The following ADAT3 variants were observed in gnomAD, a reference collection of about 807,000 sequenced individuals.
ADAT3 encodes the protein tRNA-specific adenosine-34 deaminase regulatory subunit ADAT3.
A neutral mutation model predicts 3.5 loss-of-function variants in ADAT3; 2 were observed. The observed-to-expected ratio is 0.57, with a 90% CI of 0.23 to 1.79. ADAT3 has a LOEUF of 1.79. Ranked by LOEUF, ADAT3 falls within the 40% of genes most tolerant of loss-of-function variation. The pLI, the probability that ADAT3 is intolerant of heterozygous loss-of-function variation, is 0.18. For synonymous variants in ADAT3, 358 were observed against 270.3 expected, an observed-to-expected ratio of 1.32 and a Z score of -3.18; for missense variants, 735 against 571.4, an observed-to-expected ratio of 1.29 and a Z score of -2.92.
At position 1,908,195 on chromosome 19, in the gene ADAT3, C is replaced by T. The variant is rs150767462; in HGVS notation, c.-159+2756C>T. 1.5e-3 allele frequency: 409 copies of T among 275,522 alleles called. No individual in the cohort carries two copies. The highest frequency in any genetic ancestry group is 2.3e-3 in the Non-Finnish European group (323 of 139,376). 17.1% of individuals were successfully genotyped at this position (275,522 alleles called of 1,614,324 possible). On this transcript the variant is annotated intron_variant, in intron 1 of 1. Coordinates refer to ENST00000329478, the MANE Select transcript of ADAT3 (RefSeq NM_138422.4). The surrounding 1 kb of genome is among the most constrained non-coding windows in gnomAD (Gnocchi z 4.2). ...CCAGCGAGTCGGCTGCTATGGGCCC[C>T]ACCTGGCACGGGGCCTCGGGCAGCG... is the stretch of plus-strand genomic sequence containing the variant.
Position 1,912,085 on chromosome 19 carries a change from C to T in ADAT3, c.38C>T (p.Ala13Val). 3 of 1,468,268 alleles carry T rather than the reference C, an allele frequency of 2.0e-6. No homozygotes were observed. Among genetic ancestry groups the T allele is most frequent in the Non-Finnish European group, 2.7e-6 (3 of 1,115,030 alleles). 91.0% of individuals were successfully genotyped at this position (1,468,268 alleles called of 1,614,324 possible). Residue 13 changes from alanine to valine, a missense_variant, in exon 2 of 2, where the codon GCC (alanine) becomes GTC (valine). Ala to Val is a moderately conservative substitution (Grantham distance 64). Coordinates refer to ENST00000329478, the MANE Select transcript of ADAT3 (RefSeq NM_138422.4). ...TCCCGTCTCTGTCTCCCACAGTCGG[C>T]CTCGCTGAGGATGGAGCCCGCCCCG... ...LCSRLCLPQSASLRMEPAPGL... is the reference protein window; with the variant it reads ...LCSRLCLPQSVSLRMEPAPGL...
intron 1 of ADAT3, among the ~76,000 whole-genome samples, chr19:1,909,531 A>G (rs1270566007): frequency 6.6e-6 from 1 of 151,312 alleles, no homozygotes; most frequent in African/African-American, 2.4e-5. Context: ...TAACGGCTTT[A>G]CTGCCTCCCG....
intron 1 of ADAT3, among the ~76,000 whole-genome samples, chr19:1,907,848 C>T (rs72975698): frequency 6.6e-6 from 1 of 151,680 alleles, no homozygotes; most frequent in South Asian, 2.1e-4. Context: ...AGTGAGTCGT[C>T]CCCCCGGGCC....
chr19:1,912,298 C>A lies in ADAT3; in HGVS notation c.251C>A (p.Pro84Gln). The change falls in exon 2 of 2, where the codon CCG (proline) becomes CAG (glutamine). Residue 84 changes from proline to glutamine, a missense_variant. Physicochemically the swap from Pro to Gln is moderately conservative, Grantham distance 76 (BLOSUM62 -1). Coordinates refer to ENST00000329478, the MANE Select transcript of ADAT3 (RefSeq NM_138422.4). ...RLLKEVSALH[P>Q]LPAQPHLKRV... The stretch of plus-strand genomic sequence containing the variant: ...CTGAAGGAGGTGTCGGCCCTGCACC[C>A]GCTCCCCGCCCAGCCTCACCTCAAG... 6.4e-7 allele frequency: 1 copy of A among 1,565,004 alleles called. No homozygotes were observed. Among genetic ancestry groups the A allele is most frequent in the South Asian group, 1.2e-5 (1 of 84,698 alleles).
In ADAT3 at chr19:1,908,724, C is replaced by A. The variant is rs1236200566; in HGVS notation, c.-158-3166C>A. On this transcript the variant is annotated intron_variant, in intron 1 of 1. Transcript: ENST00000329478. This position sits in a 1 kb window ranked among gnomAD's most constrained non-coding sequence, Gnocchi z 4.2. ...ATCTTGCCCACGTTGGTCTCAAACT[C>A]CTGTGCTTAAGTGATCCTCTCGCCT... The A allele has an allele frequency of 1.3e-5, 5 of 385,828 alleles. No homozygotes were observed. In the East Asian group the frequency reaches 3.6e-4, roughly 28 times the overall value. The allele number at this position is 385,828 out of a possible 1,614,324, so 23.9% of individuals were successfully genotyped here. A position where few individuals can be genotyped will look rare whatever the true frequency, so the allele number is the denominator to read the frequency against.
rs771952967 is a variant in ADAT3, at chr19:1,912,231, T to C, written c.184T>C (p.Tyr62His). 6.3e-7 allele frequency: 1 copy of C among 1,596,206 alleles called. No homozygotes were observed. The highest frequency in any genetic ancestry group is 2.3e-5 in the East Asian group (1 of 44,104). The change falls in exon 2 of 2, where the codon TAC becomes CAC. Residue 62 changes from tyrosine (Y) to histidine (H), a missense_variant. Physicochemically the swap from Tyr to His is moderately conservative, Grantham distance 83. Transcript: ENST00000329478. The part of the protein sequence containing the change: ...QSGDVELVLA[Y>H]AAPVLDKRQT... ...AGGGGACGTGGAGCTGGTGCTGGCC[T>C]ACGCCGCGCCCGTCCTGGACAAGCG...
chr19:1,912,888 G>A lies in ADAT3; in HGVS notation c.841G>A (p.Val281Met), dbSNP rs781430687. The change falls in exon 2 of 2, where the codon GTG becomes ATG. Residue 281 changes from valine (V) to methionine (M), a missense_variant. By Grantham distance (21) the Val-to-Met change is conservative (BLOSUM62 1). Coordinates refer to ENST00000329478, the MANE Select transcript of ADAT3 (RefSeq NM_138422.4). ...AAPQAVRAGA[V>M]RKLDADEDGL... The stretch of plus-strand genomic sequence containing the variant: ...CCCCCAGGCCGTCCGCGCAGGCGCC[G>A]TGCGTAAACTGGACGCAGACGAGGA... 12 of 1,606,450 alleles carry A rather than the reference G, an allele frequency of 7.5e-6. No homozygotes were observed. Among genetic ancestry groups the A allele is most frequent in the Admixed American group, 1.7e-5 (1 of 59,916 alleles).
chr19:1,912,997 C>T lies in ADAT3; in HGVS notation c.950C>T (p.Ala317Val). The T allele has an allele frequency of 1.2e-6, 2 of 1,608,540 alleles. No homozygotes were observed. The highest frequency in any genetic ancestry group is 2.2e-5 in the South Asian group (2 of 91,060). Reference protein sequence around the residue: ...CAMCAMALVHARILRVFYGAP... With the variant: ...CAMCAMALVHVRILRVFYGAP... ...ATGTGCGCCATGGCCCTGGTGCACG[C>T]ACGCATCCTGCGCGTCTTCTACGGT... Residue 317 changes from alanine (A) to valine (V), a missense_variant, in exon 2 of 2, where the codon GCA becomes GTA. By Grantham distance (64) the Ala-to-Val change is moderately conservative. Coordinates refer to ENST00000329478, the MANE Select transcript of ADAT3 (RefSeq NM_138422.4).
In ADAT3 at chr19:1,908,644, G is replaced by A. The variant is rs939483952; in HGVS notation, c.-159+3205G>A. ...TAACTGTGAGCACACAGGTAGTAAG[G>A]TTTTTAGGATTTTATTATTATTTAT... On this transcript the variant is annotated intron_variant, in intron 1 of 1. Transcript: ENST00000329478. The surrounding 1 kb of genome is among the most constrained non-coding windows in gnomAD (Gnocchi z 4.2). 1.8e-5 allele frequency: 8 copies of A among 452,430 alleles called. No individual in the cohort carries two copies. Among genetic ancestry groups the A allele is most frequent in the African/African-American group, 1.2e-4 (6 of 49,012 alleles). 28.0% of individuals were successfully genotyped at this position (452,430 alleles called of 1,614,324 possible). A position where few individuals can be genotyped will look rare whatever the true frequency, so the allele number is the denominator to read the frequency against.
In ADAT3 at chr19:1,912,280, A is replaced by T; in HGVS notation, c.233A>T (p.Glu78Val). The T allele has an allele frequency of 6.3e-7, 1 of 1,586,322 alleles. No homozygotes were observed. The highest frequency in any genetic ancestry group is 8.5e-7 in the Non-Finnish European group (1 of 1,170,358). The part of the protein sequence containing the change: ...DKRQTSRLLK[E>V]VSALHPLPAQ... ...CGCCAGACCTCACGCCTCCTGAAGG[A>T]GGTGTCGGCCCTGCACCCGCTCCCC... is the stretch of plus-strand genomic sequence containing the variant. The change falls in exon 2 of 2, where the codon GAG (glutamate) becomes GTG (valine). Residue 78 changes from glutamate to valine, a missense_variant. Transcript: ENST00000329478.
At chr19:1,905,724 T>G (rs1421268380) in intron 1 of ADAT3, 1 of 152,586 alleles carries the variant, frequency 6.6e-6, no homozygotes, top group Non-Finnish European at 1.5e-5. Flanking sequence ...GCCCTTATGG[T>G]CGGTGCGGGA....
In ADAT3 at chr19:1,912,166, C is replaced by T. The variant is rs201103825; in HGVS notation, c.119C>T (p.Ala40Val). 2.2e-4 allele frequency: 351 copies of T among 1,572,158 alleles called. 2 individuals are homozygous for T. The highest frequency in any genetic ancestry group is 5.0e-4 in the Admixed American group (27 of 54,236). ...GCCGGGAGCCCGGAGCCTGAGCCGG[C>T]GCCGTGGCAGGCCCTCCCTGTCCTG... ...LEAGSPEPEPAPWQALPVLSE... is the reference protein window; with the variant it reads ...LEAGSPEPEPVPWQALPVLSE... The change falls in exon 2 of 2, where the codon GCG (alanine) becomes GTG (valine). Residue 40 changes from alanine (A) to valine (V), a missense_variant. Transcript: ENST00000329478.
rs868253845 is a variant in ADAT3 at position 1,912,950 on chromosome 19, C to T, written c.903C>T (p.Tyr301=). The T allele has an allele frequency of 6.2e-7, 1 of 1,610,308 alleles. No individual in the cohort carries two copies. The highest frequency in any genetic ancestry group is 8.5e-7 in the Non-Finnish European group (1 of 1,179,360). Residue 301 remains tyrosine, a synonymous_variant, in exon 2 of 2, where the codon TAC becomes TAT. Coordinates refer to ENST00000329478, the MANE Select transcript of ADAT3 (RefSeq NM_138422.4). ...ACCTGTGCACTGGCTACGACCTGTA[C>T]GTGACCCGCGAGCCCTGCGCCATGT... ...LPYLCTGYDL[Y]VTREPCAMCA...
chr19:1,909,373 T>C (rs2013314055), intron 1 of ADAT3, among the ~76,000 whole-genome samples: 1 of 152,166 alleles, frequency 6.6e-6, no homozygotes, highest in South Asian at 2.1e-4. Flanking sequence ...GGCTCCCTTC[T>C]AATGGGCGGA....
At chr19:1,910,124 G>T (rs1036806578) in intron 1 of ADAT3, among the ~76,000 whole-genome samples, 20 of 152,206 alleles carry the variant, frequency 1.3e-4, no homozygotes, top group Non-Finnish European at 2.6e-4. Context: ...CCAGCTCCCG[G>T]TTCTGTGGGT....
intron 1 of ADAT3, among the ~76,000 whole-genome samples, chr19:1,907,665 C>T (rs1291222982): frequency 6.6e-6 from 1 of 152,142 alleles, no homozygotes; most frequent in Admixed American, 6.6e-5. Flanking sequence ...GACTCACCTG[C>T]CTGGAGCTAT....
Position 1,912,767 on chromosome 19 carries a change from C to A in ADAT3, c.720C>A (p.Ala240=). The A allele has an allele frequency of 6.4e-7, 1 of 1,561,340 alleles. No individual in the cohort carries two copies. Among genetic ancestry groups the A allele is most frequent in the Non-Finnish European group, 8.6e-7 (1 of 1,161,798 alleles). ...GCGCGGACAACCCCCTCCTGCACGC[C>A]GTCATGGTGTGCGTGGACCTCGTGG... ...CSCADNPLLH[A]VMVCVDLVAR... is the part of the protein sequence containing the mutation. Residue 240 remains alanine (A), a synonymous_variant, in exon 2 of 2, where the codon GCC becomes GCA. Coordinates refer to ENST00000329478, the MANE Select transcript of ADAT3 (RefSeq NM_138422.4).
chr19:1,913,159 C>T lies in ADAT3; in HGVS notation c.*8C>T. 6.6e-7 allele frequency: 1 copy of T among 1,526,306 alleles called. No individual in the cohort carries two copies. The highest frequency in any genetic ancestry group is 8.8e-7 in the Non-Finnish European group (1 of 1,138,884). The allele number at this position is 1,526,306 out of a possible 1,614,324, so 94.5% of individuals were successfully genotyped here. On this transcript the variant is annotated 3_prime_UTR_variant, in exon 2 of 2. Coordinates refer to ENST00000329478, the MANE Select transcript of ADAT3 (RefSeq NM_138422.4). ...CTGGACCCCGACACGTAGGCGCCGC[C>T]CTCCTGCCTCCGGACCCTTCCCGCT... is the stretch of plus-strand genomic sequence containing the variant.
chr19:1,912,864 C>T lies in ADAT3; in HGVS notation c.817C>T (p.Pro273Ser), dbSNP rs1302754010. ...PACSFAPAAA[P>S]QAVRAGAVRK... ...CTGCTCCTTCGCCCCGGCCGCTGCC[C>T]CCCAGGCCGTCCGCGCAGGCGCCGT... is the stretch of plus-strand genomic sequence containing the variant. Residue 273 changes from proline (P) to serine (S), a missense_variant, in exon 2 of 2, where the codon CCC becomes TCC. Coordinates refer to ENST00000329478, the MANE Select transcript of ADAT3 (RefSeq NM_138422.4). 2.5e-6 allele frequency: 4 copies of T among 1,600,200 alleles called. No homozygotes were observed. In the South Asian group the frequency reaches 4.4e-5, roughly 18 times the overall value.
Sources: gnomAD v4.1 joint callset for allele counts (sites outside exome capture counted in the v4.1 genomes callset) on GRCh38, gnomAD v4.1.1 for gene constraint, Gnocchi (gnomAD v3.1) non-coding constraint, MANE v1.5 for transcripts, NCBI Gene and HGNC (gene_info 2026-07-23, HGNC 2026-07-21) for gene names.